The following WFS1 variants were observed in gnomAD, a reference collection of about 807,000 sequenced individuals.
The protein encoded by WFS1 is wolframin.
A neutral mutation model predicts 68.5 loss-of-function variants in WFS1; 90 were observed. That is an observed-to-expected ratio of 1.31 (90% confidence interval 1.11 to 1.56). The LOEUF is 1.56. WFS1 is among the 40% of genes most tolerant of loss of function. WFS1 has a pLI of 0.00. For missense variants in WFS1, 1,767 were observed against 1,232.6 expected (o/e 1.43, Z -6.49); for synonymous variants, 860 against 540.7 (o/e 1.59, Z -8.19).
At chr4:6,274,338 C>T (rs527796567) in intron 1 of WFS1, among the ~76,000 whole-genome samples, 1 of 152,160 alleles carries the variant, frequency 6.6e-6, no homozygotes, top group Non-Finnish European at 1.5e-5. Context: ...TGAGCCACCG[C>T]GCCTGGCCGG....
At chr4:6,277,080 C>T (rs1444845137) in intron 1 of WFS1, among the ~76,000 whole-genome samples, 1 of 152,264 alleles carries the variant, frequency 6.6e-6, no homozygotes, top group African/African-American at 2.4e-5. Flanking sequence ...CCAATTCAGC[C>T]CCCTGCAGCC....
At chr4:6,299,495 T>TGAGG in intron 7 of WFS1, among the ~76,000 whole-genome samples, 5 of 143,078 alleles carry the variant, frequency 3.5e-5, no homozygotes, top group African/African-American at 1.1e-4. Flanking sequence ...TGTGCACGTG[T>TGAGG]GTGTAGGGGT....
rs1046934674 is a variant in WFS1 at position 6,291,487 on chromosome 4, G to A, written c.631+120G>A. ...GGGCTGGGTCTTCCCACAGGAGCCGGGACCTTCCCTGTGAGGACAGGGCCC... is the reference window on the plus strand; with the variant it reads ...GGGCTGGGTCTTCCCACAGGAGCCGAGACCTTCCCTGTGAGGACAGGGCCC... On this transcript the variant is annotated intron_variant, in intron 5 of 7. Transcript: ENST00000226760. 47 of 1,364,148 alleles carry A rather than the reference G, an allele frequency of 3.4e-5. No individual in the cohort carries two copies. In the African/African-American group the frequency reaches 6.5e-4, roughly 19 times the overall value. The allele number at this position is 1,364,148 out of a possible 1,614,324, so 84.5% of individuals were successfully genotyped here. A position where few individuals can be genotyped will look rare whatever the true frequency, so the allele number is the denominator to read the frequency against.
In WFS1 at chr4:6,301,633, G is replaced by A. The variant is rs762467865; in HGVS notation, c.1838G>A (p.Trp613Ter). 5 of 1,614,104 alleles carry A rather than the reference G, an allele frequency of 3.1e-6. No homozygotes were observed. In the South Asian group the frequency reaches 3.3e-5, roughly 11 times the overall value. ...AGTGTGCCCCTGCTGTTGCGCTGGT[G>A]GACCAAGGCCAGCTTCTCTGTGGTG... ...VCSVPLLLRW[W>*]TKASFSVVGM... is the part of the protein sequence containing the mutation. The change falls in exon 8 of 8, where the codon TGG (tryptophan) becomes TAG (stop). Residue 613 changes from tryptophan (W) to a stop codon, truncating the protein, a stop_gained. Transcript: ENST00000226760. LOFTEE classifies it high-confidence loss of function.
intron 6 of WFS1, among the ~76,000 whole-genome samples, chr4:6,293,643 C>T (rs1011063144): frequency 3.9e-5 from 6 of 152,200 alleles, no homozygotes; most frequent in African/African-American, 1.4e-4. Flanking sequence ...GGGGCCCTTG[C>T]TGCCACACTG....
rs1356003003 is a variant in WFS1 at position 6,277,558 on chromosome 4, C to A, written c.103C>A (p.Gln35Lys). ...ACTCAATGCCACAGCCTCGTTGGAGCAGGAGAGGAGCGAAAGGCCCCGAGC... is the reference window on the plus strand; with the variant it reads ...ACTCAATGCCACAGCCTCGTTGGAGAAGGAGAGGAGCGAAAGGCCCCGAGC... ...SRLNATASLE[Q>K]ERSERPRAPG... Residue 35 changes from glutamine to lysine, a missense_variant, in exon 2 of 8, where the codon CAG (glutamine) becomes AAG (lysine). Coordinates refer to ENST00000226760, the MANE Select transcript of WFS1 (RefSeq NM_006005.3). The A allele has an allele frequency of 1.9e-6, 3 of 1,590,230 alleles. No individual in the cohort carries two copies. Among genetic ancestry groups the A allele is most frequent in the African/African-American group, 2.7e-5 (2 of 74,702 alleles).
At chr4:6,296,748 A>G (rs889723517) in intron 7 of WFS1, among the ~76,000 whole-genome samples, 3 of 152,256 alleles carry the variant, frequency 2.0e-5, no homozygotes, top group Non-Finnish European at 4.4e-5. Flanking sequence ...GCCTCCTTGC[A>G]TATGCGTCCT....
At position 6,277,550 on chromosome 4, in the gene WFS1, C is replaced by T. The variant is rs727504730; in HGVS notation, c.95C>T (p.Ser32Leu). 113 of 1,590,074 alleles carry T rather than the reference C, an allele frequency of 7.1e-5. No homozygotes were observed. Among genetic ancestry groups the T allele is most frequent in the Non-Finnish European group, 9.2e-5 (107 of 1,169,078 alleles). Residue 32 changes from serine to leucine, a missense_variant, in exon 2 of 8, where the codon TCG becomes TTG. Transcript: ENST00000226760. ...QARSRLNATASLEQERSERPR... is the reference protein window; with the variant it reads ...QARSRLNATALLEQERSERPR... The stretch of plus-strand genomic sequence containing the variant: ...CGTTCCCGACTCAATGCCACAGCCT[C>T]GTTGGAGCAGGAGAGGAGCGAAAGG...
Position 6,301,916 on chromosome 4 carries a change from C to T in WFS1, c.2121C>T (p.Val707=). The T allele has an allele frequency of 6.2e-7, 1 of 1,612,966 alleles. No homozygotes were observed. The highest frequency in any genetic ancestry group is 8.5e-7 in the Non-Finnish European group (1 of 1,179,916). ...CGTGGACCGGCCGCTTCAAGTACGT[C>T]CGCGTGACTGACATCGACAACAGCG... ...RVTWTGRFKY[V]RVTDIDNSAE... is the part of the protein sequence containing the mutation. Residue 707 remains valine (V), a synonymous_variant, in exon 8 of 8, where the codon GTC becomes GTT. Transcript: ENST00000226760.
rs113444919 is a variant in WFS1 at position 6,298,191 on chromosome 4, G to C, written c.862-2466G>C. 3.6e-3 allele frequency among the ~76,000 whole-genome samples: 545 copies of C among 152,358 alleles called. 4 individuals carry two copies. The highest frequency in any genetic ancestry group is 6.3e-3 in the Admixed American group (96 of 15,308). ...CCTGCTGTTCGCAAGGCCCCCATAC[G>C]GGGATTAACTGAGCAGCCTGCCGGC... is the stretch of plus-strand genomic sequence containing the variant. On this transcript the variant is annotated intron_variant, in intron 7 of 7. Coordinates refer to ENST00000226760, the MANE Select transcript of WFS1 (RefSeq NM_006005.3).
chr4:6,296,678 G>C (rs1730648542), intron 7 of WFS1, among the ~76,000 whole-genome samples: 1 of 152,238 alleles, frequency 6.6e-6, no homozygotes, highest in Non-Finnish European at 1.5e-5. Context: ...CCTTGGGCCA[G>C]GCGGCCATGG....
intron 6 of WFS1, among the ~76,000 whole-genome samples, chr4:6,293,021 C>G (rs1730509999): frequency 6.6e-6 from 1 of 152,208 alleles, no homozygotes; most frequent in Non-Finnish European, 1.5e-5. Flanking sequence ...AAAGAAACAC[C>G]TCACATGGAA....
chr4:6,280,776 T>C (rs1237147260), intron 2 of WFS1, among the ~76,000 whole-genome samples: 4 of 152,088 alleles, frequency 2.6e-5, no homozygotes, highest in Admixed American at 6.5e-5. Context: ...CTTCCCACTA[T>C]GCGGCCCTGA....
At chr4:6,300,146 G>A (rs999144835) in intron 7 of WFS1, among the ~76,000 whole-genome samples, 2 of 152,086 alleles carry the variant, frequency 1.3e-5, no homozygotes, top group Non-Finnish European at 1.5e-5. Context: ...TGCTTGCTCT[G>A]CCACCCCTCC....
At chr4:6,291,704 G>A (rs543272590) in intron 5 of WFS1, among the ~76,000 whole-genome samples, 2 of 152,314 alleles carry the variant, frequency 1.3e-5, no homozygotes, top group Non-Finnish European at 2.9e-5. Flanking sequence ...CACCAAGTGG[G>A]AGCACGCTAC....
At chr4:6,274,159 G>A (rs1179391382) in intron 1 of WFS1, among the ~76,000 whole-genome samples, 1 of 151,496 alleles carries the variant, frequency 6.6e-6, no homozygotes, top group African/African-American at 2.4e-5. Flanking sequence ...CCATTCTCCT[G>A]CCTCAGCCTC....
rs183967545 is a variant in WFS1 at position 6,296,913 on chromosome 4, G to A, written c.861+1724G>A. ...GGTCACAGCTCACTGCAGCCTCAAC[G>A]TGCCAAACTCAAGTGATCCTCCCAC... On this transcript the variant is annotated intron_variant, in intron 7 of 7. Transcript: ENST00000226760. Among the ~76,000 whole-genome samples the A allele has an allele frequency of 3.6e-3, 546 of 152,282 alleles. 4 individuals carry two copies. Among genetic ancestry groups the A allele is most frequent in the Non-Finnish European group, 5.9e-3 (398 of 68,022 alleles).
rs928055174 is a variant in WFS1 at position 6,283,203 on chromosome 4, G to C, written c.233-3890G>C. 2.0e-5 allele frequency among the ~76,000 whole-genome samples: 3 copies of C among 152,176 alleles called. No individual in the cohort carries two copies. Among genetic ancestry groups the C allele is most frequent in the Non-Finnish European group, 4.4e-5 (3 of 68,036 alleles). The stretch of plus-strand genomic sequence containing the variant: ...TCTCAAATCCATAGGGCCCGTGCAT[G>C]ACAAATAATTAAAAAGATGTAGGGT... On this transcript the variant is annotated intron_variant, in intron 2 of 7. Coordinates refer to ENST00000226760, the MANE Select transcript of WFS1 (RefSeq NM_006005.3). The surrounding 1 kb of genome is among the most constrained non-coding windows in gnomAD (Gnocchi z 5.0).
In WFS1 at chr4:6,300,736, G is replaced by A. The variant is rs1279067483; in HGVS notation, c.941G>A (p.Trp314Ter). The A allele has an allele frequency of 6.2e-7, 1 of 1,613,908 alleles. No homozygotes were observed. Among genetic ancestry groups the A allele is most frequent in the Non-Finnish European group, 8.5e-7 (1 of 1,179,988 alleles). Reference protein sequence around the residue: ...IDMASRAGMHWLSTIIPTHHI... With the variant: ...IDMASRAGMH The stretch of plus-strand genomic sequence containing the variant: ...ATGGCCTCCAGGGCAGGCATGCACT[G>A]GCTGTCCACCATCATCCCCACGCAC... The change falls in exon 8 of 8, where the codon TGG becomes TAG. Residue 314 changes from tryptophan (W) to a stop codon, truncating the protein, a stop_gained. Transcript: ENST00000226760. LOFTEE classifies it high-confidence loss of function.
Sources: gnomAD v4.1 joint callset for allele counts (sites outside exome capture counted in the v4.1 genomes callset) on GRCh38, gnomAD v4.1.1 for gene constraint, Gnocchi (gnomAD v3.1) non-coding constraint, MANE v1.5 for transcripts, NCBI Gene and HGNC (gene_info 2026-07-23, HGNC 2026-07-21) for gene names.